The following RYR3 variants were observed in gnomAD, a reference collection of about 807,000 sequenced individuals.
RYR3 encodes the protein ryanodine receptor 3, also known as brain ryanodine receptor-calcium release channel.
In RYR3, 207 loss-of-function variants were observed where a neutral mutation model predicts 584.3. The ratio of observed to expected loss-of-function variants is 0.35; its 90% CI spans 0.32 to 0.40. The LOEUF is 0.40. Ranked by LOEUF, RYR3 falls within the 10% of genes least tolerant of loss-of-function variation. The probability of loss-of-function intolerance (pLI) is 1.00; values close to 1 mark genes in which losing one functional copy is unlikely to be tolerated. For missense variants in RYR3, 5,616 were observed against 6,089.2 expected, an observed-to-expected ratio of 0.92 and a Z score of 2.59; for synonymous variants, 2,416 against 2,248.5, an observed-to-expected ratio of 1.07 and a Z score of -2.11.
chr15:33,833,141 A>G (rs2077808238), intron 86 of RYR3, among the ~76,000 whole-genome samples: 2 of 152,222 alleles, frequency 1.3e-5, no homozygotes, highest in African/African-American at 4.8e-5. Flanking sequence ...GTGGCTTTAT[A>G]AGAAATAATG....
At chr15:33,610,217 T>C (rs77248268) in intron 18 of RYR3, among the ~76,000 whole-genome samples, 4,288 of 152,282 alleles carry the variant, frequency 0.028, 199 homozygotes, top group African/African-American at 0.099. Context: ...CCAGCCATTC[T>C]GCAACTATGT....
chr15:33,764,895 A>G (rs8032500), intron 60 of RYR3, among the ~76,000 whole-genome samples: 77,909 of 151,788 alleles, frequency 0.51, 21,378 homozygotes, highest in African/African-American at 0.72. Flanking sequence ...GCTGGGCGTG[A>G]AGCCACGTGC....
intron 12 of RYR3, among the ~76,000 whole-genome samples, chr15:33,568,549 G>A (rs148537437): frequency 6.6e-6 from 1 of 151,896 alleles, no homozygotes; most frequent in Non-Finnish European, 1.5e-5. Context: ...TCCCACCTTA[G>A]CCTCTTGAGT....
At chr15:33,587,478 A>G (rs559179028) in intron 16 of RYR3, among the ~76,000 whole-genome samples, 2 of 152,336 alleles carry the variant, frequency 1.3e-5, no homozygotes, top group Non-Finnish European at 1.5e-5. Flanking sequence ...GCCACAAAGC[A>G]TTTGATGCAT....
At chr15:33,435,223 G>A (rs750780819) in intron 1 of RYR3, among the ~76,000 whole-genome samples, 4 of 152,182 alleles carry the variant, frequency 2.6e-5, no homozygotes, top group South Asian at 2.1e-4. Flanking sequence ...CAGGTATTAA[G>A]CCTAGAACCA....
At chr15:33,487,686 C>T (rs1286955280) in intron 2 of RYR3, among the ~76,000 whole-genome samples, 1 of 152,178 alleles carries the variant, frequency 6.6e-6, no homozygotes, top group Non-Finnish European at 1.5e-5. Context: ...CTACATCAGG[C>T]CGTTGTTCCT....
rs528910719 is a variant in RYR3, at chr15:33,378,441, G to A, written c.51+67345G>A. ...AACTTAAAAGGGTTCCTCATCCCAG[G>A]CATCTGGCATTGTAGGTATTTTGAG... On this transcript the variant is annotated intron_variant, in intron 1 of 103. Coordinates refer to ENST00000634891, the MANE Select transcript of RYR3 (RefSeq NM_001036.6). Among the ~76,000 whole-genome samples the A allele has an allele frequency of 5.3e-5, 8 of 152,326 alleles. No homozygotes were observed. In the South Asian group the frequency reaches 1.7e-3, roughly 32 times the overall value.
At chr15:33,862,795 GAGAC>G (rs1203145731) in intron 102 of RYR3, among the ~76,000 whole-genome samples, 2 of 152,066 alleles carry the variant, frequency 1.3e-5, no homozygotes. Context: ...ATTTTTAGTA[GAGAC>G]AGGGTTTCAC....
chr15:33,499,207 C>A (rs2051727433), intron 2 of RYR3, among the ~76,000 whole-genome samples: 1 of 150,340 alleles, frequency 6.7e-6, no homozygotes, highest in African/African-American at 2.4e-5. Flanking sequence ...CCTCTCCCTG[C>A]CTCTCCTCCT....
At chr15:33,730,215 A>G (rs1158868756) in intron 47 of RYR3, among the ~76,000 whole-genome samples, 1 of 152,008 alleles carries the variant, frequency 6.6e-6, no homozygotes, top group Non-Finnish European at 1.5e-5. Context: ...TTCTTAACTC[A>G]TGGGATCTCC....
intron 98 of RYR3, 107 bp from the exon 99 acceptor site, chr15:33,857,673 C>T (rs2079836090): frequency 2.8e-6 from 4 of 1,422,820 alleles, no homozygotes; most frequent in East Asian, 2.3e-5. Context: ...CATTTCCTCT[C>T]CTTGCCCGTC....
intron 60 of RYR3, among the ~76,000 whole-genome samples, chr15:33,764,655 G>C (rs2072844871): frequency 6.6e-6 from 1 of 151,790 alleles, no homozygotes; most frequent in Admixed American, 6.6e-5. Flanking sequence ...CTTGGGGAAA[G>C]TGAACACGTA....
intron 32 of RYR3, among the ~76,000 whole-genome samples, chr15:33,657,012 C>T (rs1053908067): frequency 2.6e-5 from 4 of 152,138 alleles, no homozygotes; most frequent in South Asian, 4.1e-4. Context: ...ATAAGAGTAA[C>T]ACCAGGGGTC....
chr15:33,837,032 G>T (rs1303304147), intron 88 of RYR3, 45 bp downstream of exon 88: 1 of 1,421,848 alleles, frequency 7.0e-7, no homozygotes, highest in African/African-American at 1.4e-5. Flanking sequence ...ACTGTAATTG[G>T]TCTGAGCACT....
chr15:33,756,211 A>C, intron 58 of RYR3, 95 bp from the exon 59 acceptor site: 1 of 828,094 alleles, frequency 1.2e-6, no homozygotes, highest in Non-Finnish European at 2.1e-6. Context: ...AGCCTTTTTA[A>C]ATAGCCTTTA....
Position 33,845,070 on chromosome 15 carries a change from G to A in RYR3, c.13497+8G>A. 1 of 1,613,404 alleles carries A rather than the reference G, an allele frequency of 6.2e-7. No homozygotes were observed. Among genetic ancestry groups the A allele is most frequent in the Non-Finnish European group, 8.5e-7 (1 of 1,179,546 alleles). On this transcript the variant is annotated splice_region_variant and intron_variant, in intron 93 of 103. Transcript: ENST00000634891. ...GGCTACTACTGCCTGAAGGTGAGCT[G>A]TTTGCCACTCTGGATCTAATCTCAC... is the stretch of plus-strand genomic sequence containing the variant.
intron 69 of RYR3, among the ~76,000 whole-genome samples, chr15:33,802,250 A>G (rs2115748): frequency 0.36 from 55,295 of 152,132 alleles, 10,421 homozygotes; most frequent in South Asian, 0.48. Flanking sequence ...GCTGTTAGTG[A>G]TTTTAAAATA....
At chr15:33,780,520 A>G (rs1352268479) in intron 65 of RYR3, among the ~76,000 whole-genome samples, 179 bp downstream of exon 65, 2 of 152,208 alleles carry the variant, frequency 1.3e-5, no homozygotes, top group Admixed American at 1.3e-4. Flanking sequence ...AGCATGGGCA[A>G]GGCTTTGTTA....
intron 89 of RYR3, chr15:33,840,567 C>G: frequency 1.9e-6 from 1 of 534,056 alleles, no homozygotes; most frequent in Non-Finnish European, 3.3e-6. Flanking sequence ...TTACAATGTC[C>G]TAACACAAGT....
Sources: gnomAD v4.1 joint callset for allele counts (sites outside exome capture counted in the v4.1 genomes callset) on GRCh38, gnomAD v4.1.1 for gene constraint, MANE v1.5 for transcripts, NCBI Gene and HGNC (gene_info 2026-07-23, HGNC 2026-07-21) for gene names.